Variants in MED27 observed in about 807,000 individuals in gnomAD.
MED27 encodes mediator complex subunit 27, also known as mediator of RNA polymerase II transcription subunit 27.
MED27 carries 30 observed loss-of-function variants against 38.2 expected under a neutral mutation model. The ratio of observed to expected loss-of-function variants is 0.79; its 90% CI spans 0.59 to 1.07. MED27 has a LOEUF of 1.07. Among genes scored for constraint, MED27 ranks in the 50% least tolerant of loss-of-function variants. MED27 has a pLI of 0.00. For missense variants in MED27, 289 were observed against 397.5 expected (o/e 0.73, Z 2.32); for synonymous variants, 122 against 153.5 (o/e 0.79, Z 1.52).
intron 3 of MED27, among the ~76,000 whole-genome samples, chr9:132,014,106 T>C (rs1204792159): frequency 6.8e-6 from 1 of 146,922 alleles, no homozygotes; most frequent in African/African-American, 2.5e-5. Flanking sequence ...CTTGGGAAGC[T>C]GAGACACGAG....
At chr9:131,970,675 A>G (rs1377749787) in intron 3 of MED27, among the ~76,000 whole-genome samples, 4 of 152,254 alleles carry the variant, frequency 2.6e-5, no homozygotes, top group African/African-American at 7.2e-5. Context: ...CAAGAAGAAC[A>G]TGCGAAATGA....
intron 3 of MED27, among the ~76,000 whole-genome samples, chr9:131,975,116 G>A (rs1436668762): frequency 1.3e-5 from 2 of 152,184 alleles, no homozygotes; most frequent in African/African-American, 4.8e-5. Context: ...ACTTGTTTTA[G>A]TTGCTGTTAT....
At chr9:131,930,606 G>T (rs1320396474) in intron 4 of MED27, among the ~76,000 whole-genome samples, 1 of 152,148 alleles carries the variant, frequency 6.6e-6, no homozygotes, top group African/African-American at 2.4e-5. Flanking sequence ...TTCCTATAAG[G>T]AATGCTAAAG....
intron 3 of MED27, among the ~76,000 whole-genome samples, chr9:131,995,192 G>A (rs1451287616): frequency 6.6e-6 from 1 of 151,964 alleles, no homozygotes; most frequent in African/African-American, 2.4e-5. Context: ...ATATGGGGAG[G>A]GGACACGAAG....
chr9:131,919,841 C>T (rs892030216), intron 4 of MED27, among the ~76,000 whole-genome samples: 3 of 146,720 alleles, frequency 2.0e-5, no homozygotes, highest in Non-Finnish European at 4.5e-5. Context: ...TAGGGTCTCA[C>T]TGTGTCACCC....
At chr9:132,012,830 A>G (rs1832512778) in intron 3 of MED27, among the ~76,000 whole-genome samples, 2 of 152,190 alleles carry the variant, frequency 1.3e-5, no homozygotes, top group African/African-American at 2.4e-5. Context: ...CAAAGATGGG[A>G]CAATGTCTGT....
intron 3 of MED27, among the ~76,000 whole-genome samples, chr9:131,950,615 A>C (rs1363766913): frequency 6.6e-6 from 1 of 152,228 alleles, no homozygotes; most frequent in Admixed American, 6.5e-5. Context: ...GACTTGTTCT[A>C]GTCATAACCA....
chr9:131,927,105 A>T (rs1830497168), intron 4 of MED27, among the ~76,000 whole-genome samples: 1 of 152,264 alleles, frequency 6.6e-6, no homozygotes, highest in Non-Finnish European at 1.5e-5. Context: ...CTAAATATCA[A>T]CATAGCTAGA....
intron 4 of MED27, among the ~76,000 whole-genome samples, chr9:131,926,134 AT>A (rs971623165): frequency 3.9e-5 from 6 of 152,176 alleles, no homozygotes; most frequent in African/African-American, 4.8e-5. Context: ...ATCTGGCATC[AT>A]TTTATGCAAG....
chr9:132,068,808 G>C (rs929376600), intron 2 of MED27, among the ~76,000 whole-genome samples: 1 of 152,128 alleles, frequency 6.6e-6, no homozygotes, highest in Admixed American at 6.5e-5. Flanking sequence ...TCTGGATGTC[G>C]AGGGAGGGAG....
At chr9:131,946,744 C>T (rs1381093570) in intron 3 of MED27, among the ~76,000 whole-genome samples, 1 of 152,186 alleles carries the variant, frequency 6.6e-6, no homozygotes, top group Non-Finnish European at 1.5e-5. Flanking sequence ...CTATCTTGGA[C>T]ACTGTGCACA....
chr9:132,031,466 C>T (rs1467368629), intron 2 of MED27, among the ~76,000 whole-genome samples: 5 of 152,122 alleles, frequency 3.3e-5, no homozygotes, highest in Non-Finnish European at 7.3e-5. Context: ...GCAGTCTAAG[C>T]AGGTTATTTA....
intron 3 of MED27, among the ~76,000 whole-genome samples, chr9:131,985,652 A>G (rs1254497923): frequency 6.6e-6 from 1 of 152,114 alleles, no homozygotes; most frequent in East Asian, 1.9e-4. Context: ...ATGATAATAA[A>G]TGACTGTTAC....
intron 3 of MED27, among the ~76,000 whole-genome samples, chr9:131,947,365 C>T (rs989247032): frequency 1.3e-5 from 2 of 152,158 alleles, no homozygotes; most frequent in Non-Finnish European, 2.9e-5. Flanking sequence ...AGTAGAAGCT[C>T]AGTGCCTCTT....
chr9:132,066,710 A>G (rs897952651), intron 2 of MED27, among the ~76,000 whole-genome samples: 16 of 152,252 alleles, frequency 1.1e-4, no homozygotes, highest in African/African-American at 3.9e-4. Context: ...TCCAGAAGCC[A>G]AAGAAAAGTG....
intron 3 of MED27, among the ~76,000 whole-genome samples, chr9:131,994,539 G>A (rs1376648817): frequency 6.6e-6 from 1 of 152,242 alleles, no homozygotes; most frequent in Admixed American, 6.5e-5. Flanking sequence ...AATCCTGGAG[G>A]ACTGCAGACC....
intron 2 of MED27, among the ~76,000 whole-genome samples, chr9:132,034,187 T>C (rs1833023472): frequency 6.6e-6 from 1 of 152,158 alleles, no homozygotes; most frequent in South Asian, 2.1e-4. Flanking sequence ...GAATTTTTCC[T>C]CTCTTCCCCA....
In MED27 at chr9:131,883,999, C is replaced by T. The variant is rs756698017; in HGVS notation, c.723+59G>A. 4 of 1,463,490 alleles carry T rather than the reference C, an allele frequency of 2.7e-6. No individual in the cohort carries two copies. The highest frequency in any genetic ancestry group is 3.8e-6 in the Non-Finnish European group (4 of 1,052,088). 90.7% of individuals were successfully genotyped at this position (1,463,490 alleles called of 1,614,324 possible). A position where few individuals can be genotyped will look rare whatever the true frequency, so the allele number is the denominator to read the frequency against. The stretch of plus-strand genomic sequence containing the variant: ...TCTGATTTGAGACCAATGTTTAAAC[C>T]TCAAAGCATTCACGTTTTCCTAATG... On this transcript the variant is annotated intron_variant, in intron 6 of 7. Coordinates refer to ENST00000292035, the MANE Select transcript of MED27 (RefSeq NM_004269.4). This position sits in a 1 kb window ranked among gnomAD's most constrained non-coding sequence, Gnocchi z 4.2.
intron 6 of MED27, among the ~76,000 whole-genome samples, chr9:131,882,138 C>T (rs899907175): frequency 6.6e-6 from 1 of 152,174 alleles, no homozygotes; most frequent in Non-Finnish European, 1.5e-5. Context: ...ATCTGTAATG[C>T]TTATATAGGT....
Sources: gnomAD v4.1 joint callset for allele counts (sites outside exome capture counted in the v4.1 genomes callset) on GRCh38, gnomAD v4.1.1 for gene constraint, Gnocchi (gnomAD v3.1) non-coding constraint, MANE v1.5 for transcripts, NCBI Gene and HGNC (gene_info 2026-07-23, HGNC 2026-07-21) for gene names.